Variants in MYO3B observed in about 807,000 individuals in gnomAD.
MYO3B encodes myosin IIIB.
A neutral mutation model predicts 174.6 loss-of-function variants in MYO3B; 156 were observed. The observed-to-expected ratio is 0.89, with a 90% CI of 0.78 to 1.02. The LOEUF (loss-of-function observed/expected upper bound fraction) is 1.02, where lower values mean the gene tolerates loss of function less well. MYO3B is among the 50% of genes least tolerant of loss of function. The pLI is 0.00. For missense variants in MYO3B, 1,632 were observed against 1,639.4 expected, an observed-to-expected ratio of 1.00 and a Z score of 0.08; for synonymous variants, 563 against 569.1, an observed-to-expected ratio of 0.99 and a Z score of 0.15.
intron 30 of MYO3B, among the ~76,000 whole-genome samples, chr2:170,538,996 T>G (rs1037899574): frequency 6.6e-6 from 1 of 152,222 alleles, no homozygotes; most frequent in Non-Finnish European, 1.5e-5. Context: ...ATAAATGAAT[T>G]AATTCCTTAA....
chr2:170,566,090 A>G (rs753339172), intron 32 of MYO3B, among the ~76,000 whole-genome samples: 14 of 152,266 alleles, frequency 9.2e-5, no homozygotes, highest in Non-Finnish European at 1.9e-4. Context: ...AGTAGGTTAT[A>G]GTACATTAAA....
intron 28 of MYO3B, among the ~76,000 whole-genome samples, chr2:170,504,142 G>A (rs1057496061): frequency 6.6e-6 from 1 of 152,136 alleles, no homozygotes; most frequent in East Asian, 1.9e-4. Context: ...GTGGCTCCCC[G>A]CTTTAGGAGC....
At chr2:170,620,662 G>T (rs187183029) in intron 32 of MYO3B, among the ~76,000 whole-genome samples, 2 of 152,334 alleles carry the variant, frequency 1.3e-5, no homozygotes, top group Admixed American at 6.5e-5. Flanking sequence ...ATCCCATGGG[G>T]TAGATGGAAA....
intron 25 of MYO3B, among the ~76,000 whole-genome samples, chr2:170,491,163 A>T (rs1453858548): frequency 6.6e-6 from 1 of 152,114 alleles, no homozygotes; most frequent in African/African-American, 2.4e-5. Context: ...ATTTGAGACC[A>T]TTCTTTCCTG....
intron 9 of MYO3B, 68 bp downstream of exon 9, chr2:170,369,445 T>C: frequency 6.6e-7 from 1 of 1,517,740 alleles, no homozygotes; most frequent in South Asian, 1.3e-5. Context: ...GTGTTTTGAT[T>C]TGCCCAGCAT....
chr2:170,498,634 T>C lies in MYO3B; in HGVS notation c.3057T>C (p.Ala1019=), dbSNP rs1422090255. Reference sequence around the variant, plus strand: ...TCACAGCACATCAAACACCTCTTGCTAGCAAAGAGAGCTGTGTGGCTATCT... The same window carrying C: ...TCACAGCACATCAAACACCTCTTGCCAGCAAAGAGAGCTGTGTGGCTATCT... ...LAFTAHQTPL[A]SKESCVAILE... The change falls in exon 26 of 35, where the codon GCT becomes GCC. Residue 1019 remains alanine (A), a synonymous_variant. Transcript: ENST00000408978. 1.9e-6 allele frequency: 3 copies of C among 1,614,026 alleles called. No homozygotes were observed. The highest frequency in any genetic ancestry group is 3.3e-5 in the Admixed American group (2 of 59,986).
intron 23 of MYO3B, among the ~76,000 whole-genome samples, chr2:170,448,135 G>A (rs2105921880): frequency 1.3e-5 from 2 of 152,298 alleles, no homozygotes; most frequent in Admixed American, 1.3e-4. Flanking sequence ...GTCTTGCAAA[G>A]GCAGTCTAGT....
chr2:170,329,526 G>A (rs1001520828), intron 7 of MYO3B, among the ~76,000 whole-genome samples: 2 of 150,498 alleles, frequency 1.3e-5, no homozygotes, highest in Non-Finnish European at 3.0e-5. Flanking sequence ...GATTACAGGT[G>A]CAGGCCACCA....
At chr2:170,497,427 T>C (rs1035796162) in intron 25 of MYO3B, among the ~76,000 whole-genome samples, 32 of 145,142 alleles carry the variant, frequency 2.2e-4, no homozygotes, top group African/African-American at 6.8e-4. Context: ...CCTTCCTGGC[T>C]AACATGGTGA....
chr2:170,529,750 G>T (rs796347654), intron 30 of MYO3B, among the ~76,000 whole-genome samples: 20 of 152,252 alleles, frequency 1.3e-4, no homozygotes, highest in African/African-American at 4.8e-4. Flanking sequence ...GACTCAAGTG[G>T]AAAATATTGC....
intron 9 of MYO3B, among the ~76,000 whole-genome samples, 193 bp from the exon 10 acceptor site, chr2:170,381,823 A>G (rs1430386346): frequency 6.6e-6 from 1 of 152,200 alleles, no homozygotes; most frequent in African/African-American, 2.4e-5. Context: ...GACTTGAACT[A>G]TGGAGATCAC....
chr2:170,514,802 G>T, intron 28 of MYO3B, 119 bp from the exon 29 acceptor site: 2 of 730,300 alleles, frequency 2.7e-6, no homozygotes, highest in Non-Finnish European at 4.5e-6. Flanking sequence ...TAGTCACCTT[G>T]GTGCCTTGAA....
At chr2:170,317,620 G>A (rs1416901937) in intron 7 of MYO3B, among the ~76,000 whole-genome samples, 1 of 152,120 alleles carries the variant, frequency 6.6e-6, no homozygotes, top group Non-Finnish European at 1.5e-5. Flanking sequence ...CAGATAGGAG[G>A]AAATGTTTGG....
chr2:170,385,403 G>A (rs982847905), intron 12 of MYO3B, among the ~76,000 whole-genome samples: 2 of 152,032 alleles, frequency 1.3e-5, no homozygotes, highest in Admixed American at 1.3e-4. Flanking sequence ...TGGTTGAAAG[G>A]GGCTCCTTGT....
At chr2:170,296,094 G>A (rs1328027700) in intron 7 of MYO3B, among the ~76,000 whole-genome samples, 1 of 152,184 alleles carries the variant, frequency 6.6e-6, no homozygotes, top group South Asian at 2.1e-4. Context: ...TTCAGTTTAA[G>A]AACACTTGTA....
At chr2:170,631,215 G>A (rs997026544) in intron 32 of MYO3B, among the ~76,000 whole-genome samples, 9 of 152,222 alleles carry the variant, frequency 5.9e-5, no homozygotes, top group East Asian at 3.9e-4. Flanking sequence ...AGGACCTGAT[G>A]GAGCTGAAAA....
chr2:170,229,651 G>C (rs988814970), intron 6 of MYO3B, among the ~76,000 whole-genome samples: 2 of 152,174 alleles, frequency 1.3e-5, no homozygotes, highest in Non-Finnish European at 1.5e-5. Context: ...TTTCAGCCCA[G>C]CAGCTCTCTG....
At chr2:170,635,924 A>G (rs913657090) in intron 32 of MYO3B, among the ~76,000 whole-genome samples, 4 of 152,222 alleles carry the variant, frequency 2.6e-5, no homozygotes, top group African/African-American at 9.6e-5. Context: ...TTACCTTAGA[A>G]AGTGAACCCA....
chr2:170,244,888 G>A (rs764930805), intron 7 of MYO3B, among the ~76,000 whole-genome samples: 1 of 152,136 alleles, frequency 6.6e-6, no homozygotes, highest in Non-Finnish European at 1.5e-5. Flanking sequence ...TGGCTAAGAT[G>A]GAAAAACATA....
Sources: gnomAD v4.1 joint callset for allele counts (sites outside exome capture counted in the v4.1 genomes callset) on GRCh38, gnomAD v4.1.1 for gene constraint, MANE v1.5 for transcripts, NCBI Gene and HGNC (gene_info 2026-07-23, HGNC 2026-07-21) for gene names.